The following AFF1 variants were observed in gnomAD, a reference collection of about 807,000 sequenced individuals.
AFF1 encodes ALF transcription elongation factor 1, also known as AF4/FMR2 family member 1.
Under a neutral mutation model 121.7 loss-of-function variants are expected in AFF1, and 48 were observed. The ratio of observed to expected loss-of-function variants is 0.39; its 90% CI spans 0.31 to 0.50. AFF1 has a LOEUF of 0.50. Ranked by LOEUF, AFF1 falls within the 20% of genes least tolerant of loss-of-function variation. The pLI is 0.76. For synonymous variants in AFF1, 613 were observed against 563.0 expected, an observed-to-expected ratio of 1.09 and a Z score of -1.26; for missense variants, 1,523 against 1,511.7, an observed-to-expected ratio of 1.01 and a Z score of -0.12.
intron 16 of AFF1, among the ~76,000 whole-genome samples, chr4:87,130,726 C>G (rs192221349): frequency 2.3e-3 from 349 of 152,280 alleles, no homozygotes; most frequent in South Asian, 0.014. Context: ...CTGCATTACT[C>G]CAGACATGTG....
At chr4:86,953,537 A>G (rs1363965127) in intron 2 of AFF1, among the ~76,000 whole-genome samples, 3 of 152,212 alleles carry the variant, frequency 2.0e-5, no homozygotes, top group Non-Finnish European at 4.4e-5. Context: ...TCTTACAAAT[A>G]ATGAGCTTAT....
chr4:86,941,887 T>A (rs1407594142), intron 1 of AFF1, among the ~76,000 whole-genome samples: 1 of 151,202 alleles, frequency 6.6e-6, no homozygotes, highest in Non-Finnish European at 1.5e-5. Context: ...TGTAAAAATA[T>A]GCACAAATAC....
chr4:87,032,911 G>A (rs968361804), intron 2 of AFF1, among the ~76,000 whole-genome samples: 1 of 152,168 alleles, frequency 6.6e-6, no homozygotes, highest in African/African-American at 2.4e-5. Context: ...CATTTTAGGA[G>A]GCCAAGGCAA....
intron 18 of AFF1, among the ~76,000 whole-genome samples, 178 bp downstream of exon 18, chr4:87,132,042 TTTTCTGATGGCTTGGTAA>T (rs776006838): frequency 2.0e-5 from 3 of 152,206 alleles, no homozygotes; most frequent in Non-Finnish European, 4.4e-5. Context: ...CTGCTGCCAT[TTTTCTGATGGCTTGGTAA>T]ATGCTTTGGT....
At chr4:87,046,022 C>A in intron 2 of AFF1, 144 bp from the exon 3 acceptor site, 1 of 1,035,466 alleles carries the variant, frequency 9.7e-7, no homozygotes, top group Non-Finnish European at 1.4e-6. Flanking sequence ...GGTTAAGGAA[C>A]TTAGGCTTTC....
intron 13 of AFF1, 61 bp from the exon 14 acceptor site, chr4:87,126,035 AAAC>A: frequency 1.3e-6 from 2 of 1,515,424 alleles, no homozygotes; most frequent in African/African-American, 1.4e-5. Context: ...GTTTGTAACT[AAAC>A]AACGAAGCCG....
At chr4:87,068,949 A>G (rs1462699893) in intron 4 of AFF1, among the ~76,000 whole-genome samples, 1 of 152,162 alleles carries the variant, frequency 6.6e-6, no homozygotes, top group Non-Finnish European at 1.5e-5. Context: ...CCCACAGTGT[A>G]CAGCTGCCCC....
intron 4 of AFF1, among the ~76,000 whole-genome samples, chr4:87,055,243 A>C (rs1719994897): frequency 6.6e-6 from 1 of 152,240 alleles, no homozygotes; most frequent in Non-Finnish European, 1.5e-5. Context: ...GAAACTTTTT[A>C]AGTAATATAG....
intron 5 of AFF1, among the ~76,000 whole-genome samples, chr4:87,085,353 TC>T (rs1723615260): frequency 6.6e-6 from 1 of 152,100 alleles, no homozygotes; most frequent in Non-Finnish European, 1.5e-5. Context: ...GTATTTTTTA[TC>T]CCTCTTCTGT....
In AFF1 at chr4:86,969,879, C is replaced by CAAAAAAAAAAAAAAAAAAAAAAA. The variant is rs70953629; in HGVS notation, c.38+21326_38+21327insAAAAAAAAAAAAAAAAAAAAAAA. On this transcript the variant is annotated intron_variant, in intron 2 of 20. Coordinates refer to ENST00000395146, the MANE Select transcript of AFF1 (RefSeq NM_001166693.3). ...TGGGCGGAAGAGCGAGACTCCGTCT[C>CAAAAAAAAAAAAAAAAAAAAAAA]AAAAAAAAAAAAAAAAAAGGTAAGA... Among the ~76,000 whole-genome samples, 68 of 63,612 alleles carry CAAAAAAAAAAAAAAAAAAAAAAA rather than the reference C, an allele frequency of 1.1e-3. 5 individuals carry two copies. The highest frequency in any genetic ancestry group is 2.0e-3 in the East Asian group (5 of 2,550). 41.7% of individuals were successfully genotyped at this position (63,612 alleles called of 152,430 possible).
chr4:87,012,220 G>C (rs12500905), intron 2 of AFF1, among the ~76,000 whole-genome samples: 6 of 122,928 alleles, frequency 4.9e-5, no homozygotes, highest in Admixed American at 3.5e-4. Context: ...TTCATTTCTT[G>C]TTTTTTTTTT....
chr4:87,074,041 A>G (rs1461415247), intron 4 of AFF1, among the ~76,000 whole-genome samples: 1 of 152,016 alleles, frequency 6.6e-6, no homozygotes, highest in African/African-American at 2.4e-5. Context: ...GAAGCATGTG[A>G]CAGAACACCA....
chr4:87,134,546 C>T lies in AFF1; in HGVS notation c.3387C>T (p.Gly1129=). The stretch of plus-strand genomic sequence containing the variant: ...CCGTAGGGTCCCAGTCAAGTGCTGG[C>T]AGTGTGGGGAGCAGTGGGGTGGCTG... ...ASSVGSQSSA[G]SVGSSGVAAT... The change falls in exon 20 of 21, where the codon GGC becomes GGT. Residue 1129 remains glycine (G), a synonymous_variant. Transcript: ENST00000395146. The T allele has an allele frequency of 6.2e-7, 1 of 1,614,054 alleles. No homozygotes were observed. Among genetic ancestry groups the T allele is most frequent in the Non-Finnish European group, 8.5e-7 (1 of 1,179,990 alleles).
At chr4:86,998,725 T>C (rs1725445051) in intron 2 of AFF1, among the ~76,000 whole-genome samples, 1 of 152,206 alleles carries the variant, frequency 6.6e-6, no homozygotes, top group Non-Finnish European at 1.5e-5. Flanking sequence ...ATTAAGTATT[T>C]TTTGTAAAAC....
At position 87,084,159 on chromosome 4, in the gene AFF1, C is replaced by T. The variant is rs774397827; in HGVS notation, c.1099C>T (p.Leu367=). The T allele has an allele frequency of 6.2e-7, 1 of 1,613,682 alleles. No homozygotes were observed. Among genetic ancestry groups the T allele is most frequent in the Non-Finnish European group, 8.5e-7 (1 of 1,179,684 alleles). The change falls in exon 5 of 21, where the codon CTG becomes TTG. Residue 367 remains leucine (L), a synonymous_variant. Coordinates refer to ENST00000395146, the MANE Select transcript of AFF1 (RefSeq NM_001166693.3). ...TGAAGTCCATTGTGTTGAAGAGATT[C>T]TGAAGGTGAGTTCACTGTTAATCTT... ...SNEVHCVEEI[L]KEMTHSWPPP...
intron 8 of AFF1, among the ~76,000 whole-genome samples, chr4:87,098,962 A>G (rs1725147396): frequency 6.6e-6 from 1 of 152,236 alleles, no homozygotes; most frequent in Non-Finnish European, 1.5e-5. Flanking sequence ...ATTTTGGTAA[A>G]GAGCAAGGGA....
intron 2 of AFF1, among the ~76,000 whole-genome samples, chr4:87,028,129 A>G (rs763047408): frequency 2.4e-4 from 37 of 152,176 alleles, no homozygotes; most frequent in Non-Finnish European, 4.7e-4. Flanking sequence ...AGCATTTCAG[A>G]TAAAGGGATA....
intron 2 of AFF1, among the ~76,000 whole-genome samples, chr4:87,021,013 A>G (rs925380918): frequency 2.6e-5 from 4 of 152,124 alleles, no homozygotes. Flanking sequence ...AAGACTCACC[A>G]TTCTGTTCTC....
At chr4:86,998,194 A>G (rs1301581686) in intron 2 of AFF1, among the ~76,000 whole-genome samples, 1 of 150,810 alleles carries the variant, frequency 6.6e-6, no homozygotes, top group Non-Finnish European at 1.5e-5. Flanking sequence ...ACAGGGCTCT[A>G]TTTTAGCTTC....
Sources: allele counts gnomAD v4.1 joint callset (sites outside exome capture counted in the v4.1 genomes callset), GRCh38; gene constraint gnomAD v4.1.1; transcripts MANE v1.5; gene names NCBI Gene and HGNC (gene_info 2026-07-23, HGNC 2026-07-21).